Variants in MICU1 observed in about 807,000 individuals in gnomAD.
The protein encoded by MICU1 is mitochondrial calcium uptake 1.
Under a neutral mutation model 56.8 loss-of-function variants are expected in MICU1, and 45 were observed. The ratio of observed to expected loss-of-function variants is 0.79; its 90% confidence interval spans 0.62 to 1.02. MICU1 has a LOEUF of 1.02. Ranked by LOEUF, MICU1 falls within the 50% of genes least tolerant of loss-of-function variation. The probability of loss-of-function intolerance (pLI) is 0.00; values close to 1 mark genes in which losing one functional copy is unlikely to be tolerated. For synonymous variants in MICU1, 186 were observed against 195.1 expected (o/e 0.95, Z 0.39); for missense variants, 504 against 587.1 (o/e 0.86, Z 1.46).
chr10:72,486,906 G>T (rs1866492945), intron 6 of MICU1, among the ~76,000 whole-genome samples: 1 of 152,172 alleles, frequency 6.6e-6, no homozygotes. Context: ...CTTGTAACAT[G>T]TCTGAACAGG....
intron 8 of MICU1, among the ~76,000 whole-genome samples, chr10:72,466,567 A>G (rs1865799683): frequency 1.3e-5 from 2 of 152,180 alleles, no homozygotes; most frequent in Admixed American, 6.5e-5. Flanking sequence ...GTCATTGAAC[A>G]TATCATTTTG....
chr10:72,578,031 A>G (rs919123896), intron 1 of MICU1, among the ~76,000 whole-genome samples: 1 of 152,220 alleles, frequency 6.6e-6, no homozygotes, highest in African/African-American at 2.4e-5. Context: ...TTACCTGGGT[A>G]AAACACTATC....
rs145407619 is a variant in MICU1, at chr10:72,623,086, T to C, written c.-2+2924A>G. Among the ~76,000 whole-genome samples the C allele has an allele frequency of 2.5e-3, 381 of 151,620 alleles. 2 individuals are homozygous for C. The highest frequency in any genetic ancestry group is 8.9e-3 in the African/African-American group (367 of 41,332). Reference sequence around the variant, plus strand: ...GGGTTCGAGACCAGCCTGGCCAACATAGTAAAACCCCATCTTTACTAACAA... The same window carrying C: ...GGGTTCGAGACCAGCCTGGCCAACACAGTAAAACCCCATCTTTACTAACAA... On this transcript the variant is annotated intron_variant, in intron 1 of 11. Coordinates refer to ENST00000361114, the MANE Select transcript of MICU1 (RefSeq NM_001195518.2).
chr10:72,496,928 T>A (rs1457120087), intron 6 of MICU1, among the ~76,000 whole-genome samples: 2 of 152,214 alleles, frequency 1.3e-5, no homozygotes, highest in Non-Finnish European at 2.9e-5. Context: ...TCTTACTATA[T>A]GCCAGACAAT....
chr10:72,503,192 A>C (rs1021789900), intron 6 of MICU1, among the ~76,000 whole-genome samples: 7 of 152,224 alleles, frequency 4.6e-5, no homozygotes, highest in Admixed American at 3.9e-4. Context: ...CTGGAGTCTC[A>C]GCGGGAGAGG....
intron 9 of MICU1, among the ~76,000 whole-genome samples, chr10:72,412,219 A>C (rs1249749061): frequency 6.6e-6 from 1 of 152,226 alleles, no homozygotes; most frequent in Non-Finnish European, 1.5e-5. Flanking sequence ...TGTGGCTGGA[A>C]AGATGGAAAG....
At chr10:72,504,211 A>T (rs1288034687) in intron 6 of MICU1, among the ~76,000 whole-genome samples, 4 of 152,208 alleles carry the variant, frequency 2.6e-5, no homozygotes, top group Non-Finnish European at 5.9e-5. Flanking sequence ...ACCCAGAGGT[A>T]TCACATTACA....
At chr10:72,416,615 C>T (rs1241356042) in intron 9 of MICU1, among the ~76,000 whole-genome samples, 1 of 152,126 alleles carries the variant, frequency 6.6e-6, no homozygotes, top group African/African-American at 2.4e-5. Flanking sequence ...AATTAATAAG[C>T]AATCATACAC....
intron 1 of MICU1, among the ~76,000 whole-genome samples, chr10:72,600,415 G>A (rs547310479): frequency 2.0e-5 from 3 of 152,050 alleles, no homozygotes; most frequent in African/African-American, 7.2e-5. Flanking sequence ...TTGGGAGGCC[G>A]AGGTGAGTGG....
At chr10:72,504,962 CATTATTATT>C (rs147881283) in intron 6 of MICU1, among the ~76,000 whole-genome samples, 8 of 149,934 alleles carry the variant, frequency 5.3e-5, no homozygotes, top group East Asian at 3.9e-4. Context: ...CTATTATTAT[CATTATTATT>C]ATTATTATTA....
chr10:72,468,223 T>C (rs1865851208), intron 8 of MICU1, among the ~76,000 whole-genome samples: 1 of 152,104 alleles, frequency 6.6e-6, no homozygotes, highest in Non-Finnish European at 1.5e-5. Context: ...TTCTATTAGA[T>C]AATACCTTTT....
intron 8 of MICU1, among the ~76,000 whole-genome samples, chr10:72,455,469 T>C (rs182064023): frequency 7.5e-4 from 114 of 151,552 alleles, no homozygotes; most frequent in African/African-American, 2.7e-3. Context: ...TTATATGTTA[T>C]CATGTGTTCT....
intron 2 of MICU1, among the ~76,000 whole-genome samples, chr10:72,564,298 C>T (rs1040131325): frequency 1.3e-5 from 2 of 152,008 alleles, no homozygotes; most frequent in African/African-American, 4.8e-5. Flanking sequence ...CCCAGCACTT[C>T]GGGAGGCCGA....
At chr10:72,612,685 T>C (rs762861673) in intron 1 of MICU1, among the ~76,000 whole-genome samples, 19 of 151,942 alleles carry the variant, frequency 1.3e-4, no homozygotes, top group Admixed American at 3.9e-4. Context: ...CATGTAGTCA[T>C]AGCTATTCAG....
intron 8 of MICU1, among the ~76,000 whole-genome samples, chr10:72,437,211 C>T (rs527398920): frequency 2.0e-5 from 3 of 152,270 alleles, no homozygotes; most frequent in African/African-American, 7.2e-5. Context: ...GGCAGAAACC[C>T]TACAAGCCAG....
chr10:72,552,352 ACACCAGCC>A (rs1276812798), intron 3 of MICU1, among the ~76,000 whole-genome samples: 3 of 152,170 alleles, frequency 2.0e-5, no homozygotes, highest in African/African-American at 7.2e-5. Context: ...ACAAAATACT[ACACCAGCC>A]ACATAATATT....
At chr10:72,477,351 T>C (rs541423317) in intron 6 of MICU1, 95 bp from the exon 7 acceptor site, 1 of 1,186,432 alleles carries the variant, frequency 8.4e-7, no homozygotes, top group East Asian at 2.6e-5. Flanking sequence ...AAATGTAATA[T>C]CAAAGTCACC....
At chr10:72,485,916 C>A (rs890733833) in intron 6 of MICU1, among the ~76,000 whole-genome samples, 2 of 151,430 alleles carry the variant, frequency 1.3e-5, no homozygotes, top group African/African-American at 4.9e-5. Flanking sequence ...CACACACACA[C>A]CCCCTATGTG....
At chr10:72,520,295 A>G (rs920102772) in intron 5 of MICU1, among the ~76,000 whole-genome samples, 1 of 152,136 alleles carries the variant, frequency 6.6e-6, no homozygotes, top group Non-Finnish European at 1.5e-5. Flanking sequence ...GTAAAACATC[A>G]ATCTTAAACA....
Sources: gnomAD v4.1 joint callset for allele counts (sites outside exome capture counted in the v4.1 genomes callset) on GRCh38, gnomAD v4.1.1 for gene constraint, MANE v1.5 for transcripts, NCBI Gene and HGNC (gene_info 2026-07-23, HGNC 2026-07-21) for gene names.